DEF6: variants seen among roughly 807,000 people sequenced by gnomAD.
DEF6 encodes differentially expressed in FDCP 6 homolog.
In DEF6, 32 loss-of-function variants were observed where a neutral mutation model predicts 80.5. The observed-to-expected ratio is 0.40, with a 90% CI of 0.30 to 0.53. The LOEUF (loss-of-function observed/expected upper bound fraction) is 0.53, where lower values mean the gene tolerates loss of function less well. Ranked by LOEUF, DEF6 falls within the 20% of genes least tolerant of loss-of-function variation. The probability of loss-of-function intolerance (pLI) is 0.57; values close to 1 mark genes in which losing one functional copy is unlikely to be tolerated. For synonymous variants in DEF6, 300 were observed against 337.9 expected, an observed-to-expected ratio of 0.89 and a Z score of 1.23; for missense variants, 575 against 818.7, an observed-to-expected ratio of 0.70 and a Z score of 3.63.
Position 35,312,838 on chromosome 6 carries a change from C to A in DEF6, c.807+66C>A. 8 of 1,515,524 alleles carry A rather than the reference C, an allele frequency of 5.3e-6. No individual in the cohort carries two copies. Among genetic ancestry groups the A allele is most frequent in the South Asian group, 2.4e-5 (2 of 83,518 alleles). 93.9% of individuals were successfully genotyped at this position (1,515,524 alleles called of 1,614,324 possible). ...GAGTGTCCTCAGGGGCATGAGAAGA[C>A]AAGGGGGTCAGGAGAGGGGCAAATG... On this transcript the variant is annotated intron_variant, in intron 5 of 10. Transcript: ENST00000316637. This position sits in a 1 kb window ranked among gnomAD's most constrained non-coding sequence, Gnocchi z 6.6.
chr6:35,298,473 C>T (rs546792682), intron 1 of DEF6, among the ~76,000 whole-genome samples: 5 of 152,282 alleles, frequency 3.3e-5, no homozygotes, highest in South Asian at 2.1e-4. Context: ...GACAGAGCTG[C>T]GGAGTGGGTG....
At chr6:35,305,131 C>T (rs1232642525) in intron 1 of DEF6, among the ~76,000 whole-genome samples, 12 of 146,674 alleles carry the variant, frequency 8.2e-5, no homozygotes, top group African/African-American at 2.3e-4. Context: ...GAACTCATCT[C>T]TATGAAAAAA....
In DEF6 at chr6:35,319,669, CTG is replaced by C; in HGVS notation, c.1364_1365del (p.Val455AlafsTer68). The C allele has an allele frequency of 6.2e-7, 1 of 1,612,766 alleles. No homozygotes were observed. Among genetic ancestry groups the C allele is most frequent in the Non-Finnish European group, 8.5e-7 (1 of 1,179,134 alleles). ...GTGAAAGCTCGGCGAGATGAAGAAT[CTG>C]TGCGAATCGCTCAGACCAGGTAGGC... On this transcript the variant is annotated frameshift_variant, in exon 8 of 11. Coordinates refer to ENST00000316637, the MANE Select transcript of DEF6 (RefSeq NM_022047.4). LOFTEE classifies it high-confidence loss of function. The surrounding 1 kb of genome is among the most constrained non-coding windows in gnomAD (Gnocchi z 4.5).
At chr6:35,317,045 A>G (rs1172449167) in intron 5 of DEF6, among the ~76,000 whole-genome samples, 1 of 152,232 alleles carries the variant, frequency 6.6e-6, no homozygotes, top group Non-Finnish European at 1.5e-5. Flanking sequence ...ATATATCAGA[A>G]TTTCATTCCT....
At chr6:35,313,957 C>A (rs1352473543) in intron 5 of DEF6, among the ~76,000 whole-genome samples, 1 of 152,056 alleles carries the variant, frequency 6.6e-6, no homozygotes, top group African/African-American at 2.4e-5. Flanking sequence ...AGATATATAC[C>A]CAGCAGTGGA....
At chr6:35,307,453 G>A (rs1791408077) in intron 1 of DEF6, among the ~76,000 whole-genome samples, 1 of 152,206 alleles carries the variant, frequency 6.6e-6, no homozygotes, top group African/African-American at 2.4e-5. Flanking sequence ...CAGCAGATGA[G>A]AATATATAAA....
intron 1 of DEF6, among the ~76,000 whole-genome samples, chr6:35,298,499 A>G (rs1213294012): frequency 6.6e-6 from 1 of 152,150 alleles, no homozygotes; most frequent in South Asian, 2.1e-4. Flanking sequence ...TGAGGACCCT[A>G]TTATACTGCT....
chr6:35,307,510 ATTCTC>A (rs1791408588), intron 1 of DEF6, among the ~76,000 whole-genome samples: 2 of 152,230 alleles, frequency 1.3e-5, no homozygotes, highest in Admixed American at 1.3e-4. Flanking sequence ...TGTTGGCATT[ATTCTC>A]TTGAGGTGGT....
At position 35,312,582 on chromosome 6, in the gene DEF6, C is replaced by T. The variant is rs201064463; in HGVS notation, c.660+44C>T. 1.2e-5 allele frequency: 20 copies of T among 1,613,906 alleles called. No individual in the cohort carries two copies. The highest frequency in any genetic ancestry group is 6.7e-5 in the East Asian group (3 of 44,896). On this transcript the variant is annotated intron_variant, in intron 4 of 10. Coordinates refer to ENST00000316637, the MANE Select transcript of DEF6 (RefSeq NM_022047.4). The surrounding 1 kb of genome is among the most constrained non-coding windows in gnomAD (Gnocchi z 6.6). ...TAGGGGAAGCACACAAGGTGCAGGG[C>T]GAAGGGGGGCCTGGGAAGCCTCTGA... is the stretch of plus-strand genomic sequence containing the variant.
chr6:35,312,898 A>G lies in DEF6; in HGVS notation c.807+126A>G, dbSNP rs980266246. 2.5e-6 allele frequency: 3 copies of G among 1,198,540 alleles called. No homozygotes were observed. The African/African-American group carries it at 4.6e-5, about 18-fold the overall frequency. 74.2% of individuals were successfully genotyped at this position (1,198,540 alleles called of 1,614,324 possible). A position where few individuals can be genotyped will look rare whatever the true frequency, so the allele number is the denominator to read the frequency against. On this transcript the variant is annotated intron_variant, in intron 5 of 10. Transcript: ENST00000316637. This position sits in a 1 kb window ranked among gnomAD's most constrained non-coding sequence, Gnocchi z 6.6. ...CACAGTGACACAAATTCCTGCTTAG[A>G]TTAGTGTGACCCAAATATATCCGGA...
At chr6:35,305,404 C>T (rs1331745424) in intron 1 of DEF6, among the ~76,000 whole-genome samples, 1 of 152,012 alleles carries the variant, frequency 6.6e-6, no homozygotes, top group Non-Finnish European at 1.5e-5. Context: ...GTGGGAGGAT[C>T]GCTTGAGCCT....
At chr6:35,307,945 G>A (rs964740778) in intron 1 of DEF6, among the ~76,000 whole-genome samples, 9 of 152,178 alleles carry the variant, frequency 5.9e-5, no homozygotes, top group African/African-American at 9.7e-5. Context: ...GGTGGAAGAA[G>A]CCCTTCAATA....
chr6:35,321,322 A>T lies in DEF6; in HGVS notation c.1808A>T (p.Gln603Leu). 6.2e-7 allele frequency: 1 copy of T among 1,614,114 alleles called. No individual in the cohort carries two copies. The highest frequency in any genetic ancestry group is 8.5e-7 in the Non-Finnish European group (1 of 1,180,000). ...ACCCCCTCGCCCAACAGCAATGAGC[A>T]GCAGAAGTCCCTCAATGGTGGGGAT... is the stretch of plus-strand genomic sequence containing the variant. ...NRTPSPNSNE[Q>L]QKSLNGGDEA... is the part of the protein sequence containing the mutation. Residue 603 changes from glutamine to leucine, a missense_variant, in exon 11 of 11, where the codon CAG becomes CTG. Gln to Leu is a moderately radical substitution (Grantham distance 113). Coordinates refer to ENST00000316637, the MANE Select transcript of DEF6 (RefSeq NM_022047.4).
chr6:35,306,379 C>T (rs1791390174), intron 1 of DEF6, among the ~76,000 whole-genome samples: 1 of 151,592 alleles, frequency 6.6e-6, no homozygotes, highest in Non-Finnish European at 1.5e-5. Context: ...GGCATGGTGG[C>T]GGGCGCCTGT....
chr6:35,302,878 G>A (rs977133402), intron 1 of DEF6, among the ~76,000 whole-genome samples: 3 of 152,154 alleles, frequency 2.0e-5, no homozygotes, highest in Admixed American at 1.3e-4. Context: ...CAGACCTTGG[G>A]CAAGACGCTT....
intron 1 of DEF6, among the ~76,000 whole-genome samples, chr6:35,308,266 C>CA (rs1214445876): frequency 1.3e-5 from 2 of 151,960 alleles, no homozygotes; most frequent in Non-Finnish European, 2.9e-5. Context: ...TGTAGTGGCT[C>CA]ATGCCTGAAA....
In DEF6 at chr6:35,319,473, C is replaced by A; in HGVS notation, c.1216-51C>A. The A allele has an allele frequency of 6.6e-7, 1 of 1,504,898 alleles. No individual in the cohort carries two copies. Among genetic ancestry groups the A allele is most frequent in the Non-Finnish European group, 9.1e-7 (1 of 1,103,706 alleles). The allele number at this position is 1,504,898 out of a possible 1,614,324, so 93.2% of individuals were successfully genotyped here. A position where few individuals can be genotyped will look rare whatever the true frequency, so the allele number is the denominator to read the frequency against. On this transcript the variant is annotated intron_variant, in intron 7 of 10. Coordinates refer to ENST00000316637, the MANE Select transcript of DEF6 (RefSeq NM_022047.4). This position sits in a 1 kb window ranked among gnomAD's most constrained non-coding sequence, Gnocchi z 4.5. ...TGCCCACCCCCTCCTCCTCCGCCCC[C>A]ACGTGCCCCTTTTGACCTGGCTCTT...
Position 35,319,215 on chromosome 6 carries a change from A to T in DEF6, c.1216-309A>T, listed in dbSNP as rs1339015178. On this transcript the variant is annotated intron_variant, in intron 7 of 10. Transcript: ENST00000316637. The surrounding 1 kb of genome is among the most constrained non-coding windows in gnomAD (Gnocchi z 4.5). ...AATTATTAAGTTAGTGCTAGGAAGGAGATGACCATATTTTTATATCTTATT... is the reference window on the plus strand; with the variant it reads ...AATTATTAAGTTAGTGCTAGGAAGGTGATGACCATATTTTTATATCTTATT... Among the ~76,000 whole-genome samples the T allele has an allele frequency of 6.6e-6, 1 of 151,834 alleles. No individual in the cohort carries two copies. Among genetic ancestry groups the T allele is most frequent in the Non-Finnish European group, 1.5e-5 (1 of 68,000 alleles).
intron 5 of DEF6, among the ~76,000 whole-genome samples, chr6:35,315,206 T>G (rs1002694928): frequency 1.3e-5 from 2 of 152,216 alleles, no homozygotes; most frequent in Non-Finnish European, 2.9e-5. Flanking sequence ...TGTTTTATTT[T>G]AGAGACAGGA....
Sources: allele counts gnomAD v4.1 joint callset (sites outside exome capture counted in the v4.1 genomes callset), GRCh38; gene constraint gnomAD v4.1.1; non-coding constraint Gnocchi (gnomAD v3.1); transcripts MANE v1.5; gene names NCBI Gene and HGNC (gene_info 2026-07-23, HGNC 2026-07-21).